PIP4K2B: variants seen among roughly 807,000 people sequenced by gnomAD.
PIP4K2B encodes phosphatidylinositol-5-phosphate 4-kinase type 2 beta.
Under a neutral mutation model 42.0 loss-of-function variants are expected in PIP4K2B, and 3 were observed. The ratio of observed to expected loss-of-function variants is 0.07; its 90% CI spans 0.03 to 0.18. The LOEUF (loss-of-function observed/expected upper bound fraction) is 0.18. PIP4K2B is among the 10% of genes least tolerant of loss of function. PIP4K2B has a pLI of 1.00. For synonymous variants in PIP4K2B, 204 were observed against 210.1 expected, an observed-to-expected ratio of 0.97 and a Z score of 0.25; for missense variants, 332 against 562.3, an observed-to-expected ratio of 0.59 and a Z score of 4.14.
intron 2 of PIP4K2B, 109 bp from the exon 3 acceptor site, chr17:38,784,448 C>T (rs1403542130): frequency 3.1e-6 from 2 of 649,892 alleles, no homozygotes; most frequent in Non-Finnish European, 5.2e-6. Context: ...GTTGCCCAGA[C>T]TGGTCTTGAA....
In PIP4K2B at chr17:38,766,400, T is replaced by C. The variant is rs1397251076; in HGVS notation, c.*3291A>G. On this transcript the variant is annotated 3_prime_UTR_variant, in exon 10 of 10. Transcript: ENST00000619039. ...CTGCAGTTTTCTCTCCCACCCTGAATTGGTAAAAAGACAACTGGGGGGTAG... is the reference window on the plus strand; with the variant it reads ...CTGCAGTTTTCTCTCCCACCCTGAACTGGTAAAAAGACAACTGGGGGGTAG... 2 of 152,716 alleles carry C rather than the reference T, an allele frequency of 1.3e-5. No homozygotes were observed. The highest frequency in any genetic ancestry group is 1.9e-4 in the East Asian group (1 of 5,182). The allele number at this position is 152,716 out of a possible 1,614,324, so 9.5% of individuals were successfully genotyped here. A position where few individuals can be genotyped will look rare whatever the true frequency, so the allele number is the denominator to read the frequency against.
At chr17:38,780,109 TC>T (rs76614600) in intron 4 of PIP4K2B, among the ~76,000 whole-genome samples, 29,146 of 151,984 alleles carry the variant, frequency 0.19, 2,931 homozygotes, top group Admixed American at 0.27. Context: ...CTCCCTGCCT[TC>T]CTCATGGACA....
At chr17:38,786,956 G>A (rs760000558) in intron 1 of PIP4K2B, 36 bp from the exon 2 acceptor site, 1 of 1,333,264 alleles carries the variant, frequency 7.5e-7, no homozygotes, top group Non-Finnish European at 1.1e-6. Context: ...TCTCAGCCAG[G>A]AGGCCACCTG....
intron 3 of PIP4K2B, among the ~76,000 whole-genome samples, chr17:38,780,943 T>G (rs1427889790): frequency 6.6e-6 from 1 of 152,172 alleles, no homozygotes; most frequent in Non-Finnish European, 1.5e-5. Context: ...ATCTGGACTC[T>G]CACACGCACT....
Position 38,799,182 on chromosome 17 carries a change from G to A in PIP4K2B, c.159+84C>T, listed in dbSNP as rs1910816612. 2 of 1,386,536 alleles carry A rather than the reference G, an allele frequency of 1.4e-6. No individual in the cohort carries two copies. The highest frequency in any genetic ancestry group is 1.9e-4 in the Middle Eastern group (1 of 5,168). 85.9% of individuals were successfully genotyped at this position (1,386,536 alleles called of 1,614,324 possible). On this transcript the variant is annotated intron_variant, in intron 1 of 9. Transcript: ENST00000619039. The surrounding 1 kb of genome is among the most constrained non-coding windows in gnomAD (Gnocchi z 4.4). ...GAGGGGTGGCAGGCGTCACCGGCAG[G>A]GCCTGCGGGGCAAGGGCCCAGGGCT...
At chr17:38,779,790 G>GT (rs1397921692) in intron 4 of PIP4K2B, 7 of 444,046 alleles carry the variant, frequency 1.6e-5, no homozygotes, top group Non-Finnish European at 2.8e-5. Context: ...CATATTATTA[G>GT]TATCTCACCT....
chr17:38,785,861 C>T (rs566410685), intron 2 of PIP4K2B, among the ~76,000 whole-genome samples: 188 of 152,266 alleles, frequency 1.2e-3, no homozygotes, highest in African/African-American at 4.3e-3. Flanking sequence ...TTCGAGAACC[C>T]GGACCTCTGA....
At chr17:38,784,197 C>A (rs1207259591) in intron 3 of PIP4K2B, 46 bp downstream of exon 3, 2 of 1,156,434 alleles carry the variant, frequency 1.7e-6, no homozygotes, top group East Asian at 2.3e-5. Context: ...GCTTCCTGAC[C>A]CCATTCCATT....
rs560937062 is a variant in PIP4K2B, at chr17:38,785,438, G to A, written c.258-1099C>T. Among the ~76,000 whole-genome samples the A allele has an allele frequency of 1.2e-4, 18 of 152,198 alleles. No homozygotes were observed. In the South Asian group the frequency reaches 3.5e-3, roughly 30 times the overall value. Reference sequence around the variant, plus strand: ...TGTAATCCCAGTACTTTGGGAGGCCGAGGCAGGTGGATCACCCTGACTGAG... The same window carrying A: ...TGTAATCCCAGTACTTTGGGAGGCCAAGGCAGGTGGATCACCCTGACTGAG... On this transcript the variant is annotated intron_variant, in intron 2 of 9. Coordinates refer to ENST00000619039, the MANE Select transcript of PIP4K2B (RefSeq NM_003559.5).
In PIP4K2B at chr17:38,799,439, C is replaced by T; in HGVS notation, c.-15G>A. 2 of 1,560,728 alleles carry T rather than the reference C, an allele frequency of 1.3e-6. No individual in the cohort carries two copies. Among genetic ancestry groups the T allele is most frequent in the East Asian group, 2.4e-5 (1 of 42,114 alleles). On this transcript the variant is annotated 5_prime_UTR_variant, in exon 1 of 10. Coordinates refer to ENST00000619039, the MANE Select transcript of PIP4K2B (RefSeq NM_003559.5). This position sits in a 1 kb window ranked among gnomAD's most constrained non-coding sequence, Gnocchi z 4.4. The stretch of plus-strand genomic sequence containing the variant: ...TTGGACGACATGCCCGGGGCGGCGG[C>T]GGCGGCGGCGAAAGAGGGGGGCGGC...
intron 2 of PIP4K2B, among the ~76,000 whole-genome samples, chr17:38,784,932 GA>G (rs1220071540): frequency 3.3e-5 from 5 of 152,144 alleles, no homozygotes; most frequent in Admixed American, 3.3e-4. Context: ...ATGCTACAAG[GA>G]AAAACCTCTC....
rs192940722 is a variant in PIP4K2B, at chr17:38,777,176, G to A, written c.807+511C>T. On this transcript the variant is annotated intron_variant, in intron 7 of 9. Coordinates refer to ENST00000619039, the MANE Select transcript of PIP4K2B (RefSeq NM_003559.5). ...TCTCCCGGGCTCAAACAATCCTTTC[G>A]CCTCAGCCTCCCAAGTAGCTGGGAC... Among the ~76,000 whole-genome samples, 6 of 152,202 alleles carry A rather than the reference G, an allele frequency of 3.9e-5. No individual in the cohort carries two copies. The East Asian group carries it at 5.8e-4, about 15-fold the overall frequency.
intron 3 of PIP4K2B, among the ~76,000 whole-genome samples, chr17:38,783,876 C>T (rs1909846283): frequency 6.6e-6 from 1 of 152,212 alleles, no homozygotes; most frequent in Non-Finnish European, 1.5e-5. Flanking sequence ...GCTGGGATTA[C>T]AGGCATAAGC....
Position 38,771,278 on chromosome 17 carries a change from A to C in PIP4K2B, c.808-6T>G, listed in dbSNP as rs751177427. 1.2e-6 allele frequency: 2 copies of C among 1,614,052 alleles called. No homozygotes were observed. Among genetic ancestry groups the C allele is most frequent in the African/African-American group, 1.3e-5 (1 of 75,008 alleles). On this transcript the variant is annotated splice_region_variant and splice_polypyrimidine_tract_variant and intron_variant, in intron 7 of 9. Coordinates refer to ENST00000619039, the MANE Select transcript of PIP4K2B (RefSeq NM_003559.5). ...ATCTTCAGCTGTGCCAAGAACTAGGAAGGGCAAGGATGGAAAGATGGAAGG... is the reference window on the plus strand; with the variant it reads ...ATCTTCAGCTGTGCCAAGAACTAGGCAGGGCAAGGATGGAAAGATGGAAGG...
At chr17:38,778,501 C>G (rs1909495305) in intron 5 of PIP4K2B, 129 bp from the exon 6 acceptor site, 2 of 824,788 alleles carry the variant, frequency 2.4e-6, no homozygotes, top group South Asian at 1.3e-5. Context: ...GAGGCAGCAC[C>G]TTGTTCATTT....
Position 38,765,800 on chromosome 17 carries a change from G to A in PIP4K2B, c.*3891C>T, listed in dbSNP as rs1908669667. The A allele has an allele frequency of 6.6e-6, 1 of 152,622 alleles. No individual in the cohort carries two copies. Among genetic ancestry groups the A allele is most frequent in the African/African-American group, 2.4e-5 (1 of 41,438 alleles). 9.5% of individuals were successfully genotyped at this position (152,622 alleles called of 1,614,324 possible). A position where few individuals can be genotyped will look rare whatever the true frequency, so the allele number is the denominator to read the frequency against. On this transcript the variant is annotated 3_prime_UTR_variant, in exon 10 of 10. Coordinates refer to ENST00000619039, the MANE Select transcript of PIP4K2B (RefSeq NM_003559.5). Reference sequence around the variant, plus strand: ...CTCAAACTTTTTAAAGCAGACGTTAGACAAGCACAGGGGATTGAAAATTCC... The same window carrying A: ...CTCAAACTTTTTAAAGCAGACGTTAAACAAGCACAGGGGATTGAAAATTCC...
At chr17:38,783,149 C>T (rs973506167) in intron 3 of PIP4K2B, among the ~76,000 whole-genome samples, 3 of 144,256 alleles carry the variant, frequency 2.1e-5, no homozygotes, top group African/African-American at 5.2e-5. Flanking sequence ...GAGCCGAGAT[C>T]GCGCCATTGC....
At chr17:38,779,763 C>G in intron 4 of PIP4K2B, 2 of 513,652 alleles carry the variant, frequency 3.9e-6, no homozygotes, top group Non-Finnish European at 7.0e-6. Context: ...GCAGGTGGCT[C>G]AGAGCCCCTG....
Position 38,786,918 on chromosome 17 carries a change from G to A in PIP4K2B, c.162C>T (p.Ile54=). The change falls in exon 2 of 10, where the codon ATC becomes ATT. Residue 54 remains isoleucine, a splice_region_variant and synonymous_variant. Transcript: ENST00000619039. ...GAACAGGAACATTGCTCAGCTCATT[G>A]ATCTGAAAAGCAAGGAGAACGTAAG... ...SVLMWGVNHT[I]NELSNVPVPV... is the part of the protein sequence containing the mutation. 6.2e-7 allele frequency: 1 copy of A among 1,609,092 alleles called. No homozygotes were observed. Among genetic ancestry groups the A allele is most frequent in the Non-Finnish European group, 8.5e-7 (1 of 1,175,404 alleles).
Sources: allele counts gnomAD v4.1 joint callset (sites outside exome capture counted in the v4.1 genomes callset), GRCh38; gene constraint gnomAD v4.1.1; non-coding constraint Gnocchi (gnomAD v3.1); transcripts MANE v1.5; gene names NCBI Gene and HGNC (gene_info 2026-07-23, HGNC 2026-07-21).